Variants in FOXP2 observed in about 807,000 individuals in gnomAD.
The protein encoded by FOXP2 is forkhead box protein P2.
FOXP2 carries 12 observed loss-of-function variants against 115.8 expected under a neutral mutation model. The observed-to-expected ratio is 0.10, with a 90% confidence interval of 0.07 to 0.17. FOXP2 has a LOEUF of 0.17. Ranked by LOEUF, FOXP2 falls within the 10% of genes least tolerant of loss-of-function variation. The pLI, the probability that FOXP2 is intolerant of heterozygous loss-of-function variation, is 1.00. For synonymous variants in FOXP2, 328 were observed against 297.7 expected (o/e 1.10, Z -1.05); for missense variants, 629 against 843.5 (o/e 0.75, Z 3.15).
intron 1 of FOXP2, among the ~76,000 whole-genome samples, chr7:114,179,512 A>G (rs1235422473): frequency 6.6e-6 from 1 of 151,978 alleles, no homozygotes; most frequent in South Asian, 2.1e-4. Context: ...TAGTGCTGGC[A>G]TGCGGTCTGC....
At chr7:114,385,106 A>G (rs560182734) in intron 2 of FOXP2, among the ~76,000 whole-genome samples, 1 of 151,588 alleles carries the variant, frequency 6.6e-6, no homozygotes, top group East Asian at 2.0e-4. Flanking sequence ...GGCCCTGGCA[A>G]GGGTGGTGGG....
At chr7:114,157,975 A>C (rs549976714) in intron 1 of FOXP2, among the ~76,000 whole-genome samples, 12 of 152,120 alleles carry the variant, frequency 7.9e-5, no homozygotes, top group African/African-American at 2.9e-4. Flanking sequence ...TTAAGAAACA[A>C]TATTTAAGAA....
At chr7:114,428,335 T>C (rs1327616917) in intron 2 of FOXP2, among the ~76,000 whole-genome samples, 1 of 151,616 alleles carries the variant, frequency 6.6e-6, no homozygotes, top group Non-Finnish European at 1.5e-5. Flanking sequence ...AGCTATAGAT[T>C]TTAGTACTCT....
intron 1 of FOXP2, among the ~76,000 whole-genome samples, chr7:114,240,613 T>C (rs1331319850): frequency 1.3e-5 from 2 of 152,040 alleles, no homozygotes; most frequent in Non-Finnish European, 2.9e-5. Context: ...TGTTATTCTA[T>C]TTAAATTAGA....
At chr7:114,343,432 A>G (rs1172135641) in intron 2 of FOXP2, among the ~76,000 whole-genome samples, 1 of 151,706 alleles carries the variant, frequency 6.6e-6, no homozygotes, top group Non-Finnish European at 1.5e-5. Flanking sequence ...GCAGAAGGGC[A>G]GGGAATAAAG....
At chr7:114,557,070 C>T (rs1800501012) in intron 3 of FOXP2, among the ~76,000 whole-genome samples, 1 of 152,010 alleles carries the variant, frequency 6.6e-6, no homozygotes, top group Non-Finnish European at 1.5e-5. Context: ...TTACATTAAG[C>T]AAGAAAGACT....
At chr7:114,246,870 A>G (rs1356629348) in intron 1 of FOXP2, among the ~76,000 whole-genome samples, 1 of 152,128 alleles carries the variant, frequency 6.6e-6, no homozygotes. Context: ...TGGACTGTTA[A>G]CTACACTTTC....
At chr7:114,659,477 A>G (rs1300078339) in intron 12 of FOXP2, 45 bp downstream of exon 12, 7 of 1,591,098 alleles carry the variant, frequency 4.4e-6, no homozygotes, top group East Asian at 2.2e-5. Context: ...ATTAAAATTC[A>G]TTAATGCTTA....
At chr7:114,247,086 G>A (rs1795302844) in intron 1 of FOXP2, among the ~76,000 whole-genome samples, 1 of 152,016 alleles carries the variant, frequency 6.6e-6, no homozygotes, top group Non-Finnish European at 1.5e-5. Flanking sequence ...TTATCACTGT[G>A]TTTTACAAAA....
At chr7:114,231,123 A>T (rs1794865018) in intron 1 of FOXP2, among the ~76,000 whole-genome samples, 1 of 152,094 alleles carries the variant, frequency 6.6e-6, no homozygotes, top group South Asian at 2.1e-4. Flanking sequence ...GAAATTATGA[A>T]AACAATATCA....
chr7:114,373,379 G>A (rs187434993), intron 2 of FOXP2, among the ~76,000 whole-genome samples: 2 of 151,952 alleles, frequency 1.3e-5, no homozygotes, highest in African/African-American at 2.4e-5. Context: ...GTGGATTTAC[G>A]TACTGTGTTG....
At chr7:114,252,952 A>G (rs1352593858) in intron 1 of FOXP2, among the ~76,000 whole-genome samples, 1 of 152,168 alleles carries the variant, frequency 6.6e-6, no homozygotes, top group Non-Finnish European at 1.5e-5. Flanking sequence ...TTCCCTCTAC[A>G]CACTGCTTTA....
chr7:114,639,141 AC>A (rs1805388234), intron 6 of FOXP2, among the ~76,000 whole-genome samples: 1 of 152,182 alleles, frequency 6.6e-6, no homozygotes, highest in Admixed American at 6.5e-5. Flanking sequence ...AATCTCTAAA[AC>A]CATCTAAGAG....
chr7:114,476,134 ATT>A (rs1445106013), intron 2 of FOXP2, among the ~76,000 whole-genome samples: 1 of 140,956 alleles, frequency 7.1e-6, no homozygotes, highest in Admixed American at 7.2e-5. Flanking sequence ...ATTAGGTCCC[ATT>A]TGTTTATTTT....
intron 1 of FOXP2, among the ~76,000 whole-genome samples, chr7:114,163,942 G>A (rs1435982123): frequency 6.6e-6 from 1 of 152,058 alleles, no homozygotes; most frequent in Non-Finnish European, 1.5e-5. Flanking sequence ...ATATTGTTTG[G>A]TCTTTAAAAG....
At chr7:114,097,261 A>C (rs1584476702) in intron 1 of FOXP2, among the ~76,000 whole-genome samples, 1 of 152,256 alleles carries the variant, frequency 6.6e-6, no homozygotes, top group East Asian at 1.9e-4. Flanking sequence ...AATCCTTCAG[A>C]TTTCTTCATA....
chr7:114,673,986 G>A (rs1019346322), intron 16 of FOXP2, among the ~76,000 whole-genome samples: 1 of 152,154 alleles, frequency 6.6e-6, no homozygotes, highest in Admixed American at 6.5e-5. Flanking sequence ...ATAGGCATGA[G>A]CCACTGCACC....
intron 2 of FOXP2, among the ~76,000 whole-genome samples, chr7:114,308,160 CT>C (rs1204711404): frequency 1.3e-5 from 2 of 152,124 alleles, no homozygotes; most frequent in Non-Finnish European, 2.9e-5. Context: ...TCATCTCCAT[CT>C]TTTATCTTAA....
intron 1 of FOXP2, among the ~76,000 whole-genome samples, chr7:114,242,323 TACAA>T (rs1199883627): frequency 1.3e-5 from 2 of 152,052 alleles, no homozygotes; most frequent in Non-Finnish European, 2.9e-5. Flanking sequence ...GAAAGTGTGG[TACAA>T]ACATTTAGTT....
Sources: allele counts gnomAD v4.1 joint callset (sites outside exome capture counted in the v4.1 genomes callset), GRCh38; gene constraint gnomAD v4.1.1; transcripts MANE v1.5; gene names NCBI Gene and HGNC (gene_info 2026-07-23, HGNC 2026-07-21).